NRP1: variants seen among roughly 807,000 people sequenced by gnomAD.
NRP1 encodes neuropilin-1.
NRP1 carries 35 observed loss-of-function variants against 106.7 expected under a neutral mutation model. The ratio of observed to expected loss-of-function variants is 0.33; its 90% CI spans 0.25 to 0.43. The LOEUF (loss-of-function observed/expected upper bound fraction) is 0.43. NRP1 is among the 20% of genes least tolerant of loss of function. The probability of loss-of-function intolerance (pLI) is 1.00; values close to 1 mark genes in which losing one functional copy is unlikely to be tolerated. For missense variants in NRP1, 1,024 were observed against 1,170.4 expected (o/e 0.87, Z 1.83); for synonymous variants, 437 against 417.9 (o/e 1.05, Z -0.56).
chr10:33,197,762 CA>C, intron 11 of NRP1, 53 bp from the exon 12 acceptor site: 1 of 1,093,512 alleles, frequency 9.1e-7, no homozygotes, highest in East Asian at 2.4e-5. Context: ...AGCGAATATG[CA>C]GGAGAAAAAT....
chr10:33,240,788 G>A (rs376231648), intron 6 of NRP1, among the ~76,000 whole-genome samples: 2 of 152,194 alleles, frequency 1.3e-5, no homozygotes, highest in East Asian at 1.9e-4. Context: ...AGGTTATAAC[G>A]AATGCTACCC....
chr10:33,213,666 G>A lies in NRP1; in HGVS notation c.1334C>T (p.Ser445Phe). The change falls in exon 9 of 17, where the codon TCC becomes TTC. Residue 445 changes from serine to phenylalanine, a missense_variant. By Grantham distance (155) the Ser-to-Phe change is radical (BLOSUM62 -2). This residue lies in a region of NRP1 where 562 missense variants were observed against 620.3 expected (regional missense o/e 0.91). Coordinates refer to ENST00000374867, the MANE Select transcript of NRP1 (RefSeq NM_003873.7). ...CCCTTGGTTGGATGATGTGATCTGGGAGTCAGAAATAAGTCCAGACACCAT... is the reference window on the plus strand; with the variant it reads ...CCCTTGGTTGGATGATGTGATCTGGAAGTCAGAAATAAGTCCAGACACCAT... ...LGMVSGLISD[S>F]QITSSNQGDR... is the part of the protein sequence containing the mutation. The A allele has an allele frequency of 6.2e-7, 1 of 1,613,494 alleles. No individual in the cohort carries two copies. The highest frequency in any genetic ancestry group is 1.7e-5 in the Admixed American group (1 of 59,980).
chr10:33,247,477 G>C (rs1841507442), intron 6 of NRP1, among the ~76,000 whole-genome samples: 1 of 152,184 alleles, frequency 6.6e-6, no homozygotes, highest in Admixed American at 6.5e-5. Flanking sequence ...TGGGATGTTG[G>C]TGAAGTGTAT....
At chr10:33,268,688 G>A (rs1588885740) in intron 3 of NRP1, among the ~76,000 whole-genome samples, 1 of 152,110 alleles carries the variant, frequency 6.6e-6, no homozygotes, top group South Asian at 2.1e-4. Flanking sequence ...TGACACCTTT[G>A]TCTTTGATAG....
rs563978214 is a variant in NRP1 at position 33,210,062 on chromosome 10, A to G, written c.1615-2346T>C. Among the ~76,000 whole-genome samples, 40 of 152,324 alleles carry G rather than the reference A, an allele frequency of 2.6e-4. 1 individual carries two copies. Among genetic ancestry groups the G allele is most frequent in the Middle Eastern group, 6.8e-3 (2 of 294 alleles). On this transcript the variant is annotated intron_variant, in intron 9 of 16. Transcript: ENST00000374867. ...GCATGTCAGTGAAGACAGATTGGGT[A>G]GGTTGCAACAGAATCAGCAGGTTTC...
At chr10:33,283,944 C>A (rs952569262) in intron 2 of NRP1, among the ~76,000 whole-genome samples, 2 of 152,196 alleles carry the variant, frequency 1.3e-5, no homozygotes, top group African/African-American at 4.8e-5. Flanking sequence ...CCCCATCCTA[C>A]CATCTAAAGT....
intron 2 of NRP1, among the ~76,000 whole-genome samples, chr10:33,300,892 C>G (rs1273483722): frequency 6.6e-6 from 1 of 152,162 alleles, no homozygotes; most frequent in Non-Finnish European, 1.5e-5. Flanking sequence ...TTAAAGCAAG[C>G]TGTGCCCTGA....
At chr10:33,220,900 CAAAAAAAAAAAA>C (rs35895871) in intron 8 of NRP1, among the ~76,000 whole-genome samples, 3 of 60,680 alleles carry the variant, frequency 4.9e-5, no homozygotes, top group Admixed American at 2.0e-4. Context: ...GGCTCAGTCT[CAAAAAAAAAAAA>C]AAAAAAAAAA....
At chr10:33,257,552 G>C (rs1564429520) in intron 4 of NRP1, among the ~76,000 whole-genome samples, 1 of 152,172 alleles carries the variant, frequency 6.6e-6, no homozygotes, top group South Asian at 2.1e-4. Context: ...CAAGACCCAG[G>C]AGGTGGAGGT....
intron 2 of NRP1, among the ~76,000 whole-genome samples, chr10:33,323,863 A>G (rs1847702296): frequency 6.6e-6 from 1 of 152,170 alleles, no homozygotes; most frequent in Non-Finnish European, 1.5e-5. Flanking sequence ...TGCAAGTATC[A>G]AGTTTTATGC....
chr10:33,207,318 T>C (rs930212225), intron 10 of NRP1, among the ~76,000 whole-genome samples: 3 of 152,026 alleles, frequency 2.0e-5, no homozygotes, highest in Non-Finnish European at 4.4e-5. Flanking sequence ...TTATCTTTTT[T>C]TTTAAGTAAA....
At chr10:33,289,953 TA>T (rs1564459123) in intron 2 of NRP1, among the ~76,000 whole-genome samples, 1 of 152,232 alleles carries the variant, frequency 6.6e-6, no homozygotes, top group East Asian at 1.9e-4. Flanking sequence ...TTCTTATCTA[TA>T]AATGCTTTTC....
At chr10:33,238,500 G>A (rs551838266) in intron 6 of NRP1, among the ~76,000 whole-genome samples, 9 of 152,274 alleles carry the variant, frequency 5.9e-5, no homozygotes, top group Admixed American at 2.0e-4. Context: ...GGGAGTGAAG[G>A]TGATAAGATT....
chr10:33,228,010 A>C (rs1839807981), intron 6 of NRP1, among the ~76,000 whole-genome samples: 1 of 152,136 alleles, frequency 6.6e-6, no homozygotes, highest in Non-Finnish European at 1.5e-5. Flanking sequence ...AATAACTAAG[A>C]ATAATCTTGA....
chr10:33,279,846 G>A (rs1843984169), intron 2 of NRP1, among the ~76,000 whole-genome samples: 1 of 152,132 alleles, frequency 6.6e-6, no homozygotes, highest in African/African-American at 2.4e-5. Context: ...TAAAGCCAAG[G>A]GCAGGACTGG....
At chr10:33,265,360 G>A (rs1298335695) in intron 3 of NRP1, among the ~76,000 whole-genome samples, 3 of 152,170 alleles carry the variant, frequency 2.0e-5, no homozygotes, top group Non-Finnish European at 2.9e-5. Context: ...GAAGGCAGAC[G>A]TGATGGGGCC....
chr10:33,278,879 G>C (rs1046528694), intron 2 of NRP1, among the ~76,000 whole-genome samples: 1 of 152,252 alleles, frequency 6.6e-6, no homozygotes, highest in South Asian at 2.1e-4. Flanking sequence ...TAAGAAAACT[G>C]ATGATTAATT....
intron 2 of NRP1, among the ~76,000 whole-genome samples, chr10:33,330,184 C>A (rs1413798259): frequency 6.6e-6 from 1 of 152,076 alleles, no homozygotes; most frequent in Non-Finnish European, 1.5e-5. Flanking sequence ...ATCCTGTAGG[C>A]CTTATTTTAT....
chr10:33,192,589 A>G (rs1291053780), intron 12 of NRP1, among the ~76,000 whole-genome samples, 171 bp from the exon 13 acceptor site: 1 of 152,198 alleles, frequency 6.6e-6, no homozygotes, highest in Non-Finnish European at 1.5e-5. Flanking sequence ...AGATGCATGG[A>G]GATGTCAAAA....
Sources: allele counts gnomAD v4.1 joint callset (sites outside exome capture counted in the v4.1 genomes callset), GRCh38; gene constraint gnomAD v4.1.1; regional missense constraint gnomAD v4.1.1; transcripts MANE v1.5; gene names NCBI Gene and HGNC (gene_info 2026-07-23, HGNC 2026-07-21).